Variants in GRAMD1C observed in about 807,000 individuals in gnomAD.
GRAMD1C encodes the protein GRAM domain containing 1C.
In GRAMD1C, 89 loss-of-function variants were observed where a neutral mutation model predicts 97.8. That is an observed-to-expected ratio of 0.91 (90% CI 0.77 to 1.09). GRAMD1C has a LOEUF of 1.09. Ranked by LOEUF, GRAMD1C falls within the 50% of genes least tolerant of loss-of-function variation. The probability of loss-of-function intolerance (pLI) is 0.00; values close to 1 mark genes in which losing one functional copy is unlikely to be tolerated. For synonymous variants in GRAMD1C, 256 were observed against 267.0 expected (o/e 0.96, Z 0.40); for missense variants, 740 against 766.4 (o/e 0.97, Z 0.41).
chr3:113,846,008 A>G (rs982046106), intron 2 of GRAMD1C, among the ~76,000 whole-genome samples: 3 of 152,232 alleles, frequency 2.0e-5, no homozygotes, highest in African/African-American at 7.2e-5. Context: ...AAAAATAACA[A>G]TACATCCTAA....
intron 2 of GRAMD1C, among the ~76,000 whole-genome samples, chr3:113,847,548 T>A (rs1933666541): frequency 6.6e-6 from 1 of 152,222 alleles, no homozygotes; most frequent in Non-Finnish European, 1.5e-5. Context: ...ATAATTCATT[T>A]TTTCTCTGCC....
At chr3:113,853,968 G>T (rs1297688018) in intron 2 of GRAMD1C, among the ~76,000 whole-genome samples, 1 of 152,112 alleles carries the variant, frequency 6.6e-6, no homozygotes, top group East Asian at 1.9e-4. Context: ...AATGAGATTG[G>T]CTTGCTTGAC....
At chr3:113,856,641 G>A (rs1256985227) in intron 2 of GRAMD1C, among the ~76,000 whole-genome samples, 1 of 152,126 alleles carries the variant, frequency 6.6e-6, no homozygotes, top group Non-Finnish European at 1.5e-5. Context: ...CTGAGTTCAA[G>A]CAATTCTCCC....
intron 10 of GRAMD1C, among the ~76,000 whole-genome samples, chr3:113,926,046 G>T (rs999252952): frequency 1.3e-5 from 2 of 152,136 alleles, no homozygotes; most frequent in Non-Finnish European, 2.9e-5. Context: ...TGGTTGTCTT[G>T]TATGTATCTC....
chr3:113,830,550 C>A (rs1227746441), intron 1 of GRAMD1C, among the ~76,000 whole-genome samples: 1 of 152,172 alleles, frequency 6.6e-6, no homozygotes, highest in Non-Finnish European at 1.5e-5. Context: ...ATGGAATAGC[C>A]TATTGCTCCT....
chr3:113,931,003 C>A (rs1435159943), intron 11 of GRAMD1C, among the ~76,000 whole-genome samples, 171 bp downstream of exon 11: 2 of 152,164 alleles, frequency 1.3e-5, no homozygotes, highest in Non-Finnish European at 2.9e-5. Flanking sequence ...ATCGTATCAA[C>A]CCACTCCTAA....
At chr3:113,852,545 G>A (rs1220629023) in intron 2 of GRAMD1C, among the ~76,000 whole-genome samples, 3 of 152,010 alleles carry the variant, frequency 2.0e-5, no homozygotes, top group South Asian at 2.1e-4. Context: ...TGGATGAAAT[G>A]TTTCAAACTT....
chr3:113,930,669 GTTTAAGTTTCTAGA>G, intron 10 of GRAMD1C, 31 bp from the exon 11 acceptor site: 1 of 1,000,600 alleles, frequency 1.0e-6, no homozygotes, highest in South Asian at 1.3e-5. Flanking sequence ...ATGTCATACT[GTTTAAGTTTCTAGA>G]ACTAACTCAT....
At chr3:113,913,716 C>T (rs772193853) in intron 9 of GRAMD1C, among the ~76,000 whole-genome samples, 2 of 152,062 alleles carry the variant, frequency 1.3e-5, no homozygotes, top group Non-Finnish European at 2.9e-5. Flanking sequence ...GCAAATCAAG[C>T]GCTCCTACTG....
At chr3:113,839,554 G>A (rs1467590339) in intron 1 of GRAMD1C, among the ~76,000 whole-genome samples, 1 of 152,156 alleles carries the variant, frequency 6.6e-6, no homozygotes, top group Non-Finnish European at 1.5e-5. Context: ...TCTGAAGAGC[G>A]TTATAGTTTA....
intron 10 of GRAMD1C, among the ~76,000 whole-genome samples, chr3:113,922,904 G>A (rs1029096348): frequency 2.0e-5 from 3 of 152,108 alleles, no homozygotes; most frequent in Non-Finnish European, 2.9e-5. Flanking sequence ...TTCCTATCAC[G>A]AGCATGGAAT....
At chr3:113,911,703 C>CCTTCCTTCTTTCT (rs1553723611) in intron 9 of GRAMD1C, among the ~76,000 whole-genome samples, 11 of 122,372 alleles carry the variant, frequency 9.0e-5, no homozygotes, top group African/African-American at 2.5e-4. Flanking sequence ...TTCTTTCCTT[C>CCTTCCTTCTTTCT]CTTCCTTCCT....
rs894738820 is a variant in GRAMD1C, at chr3:113,844,649, G to A, written c.174G>A (p.Trp58Ter). The A allele has an allele frequency of 1.0e-5, 16 of 1,574,340 alleles. No individual in the cohort carries two copies. Among genetic ancestry groups the A allele is most frequent in the Non-Finnish European group, 1.3e-5 (15 of 1,164,344 alleles). Residue 58 changes from tryptophan (W) to a stop codon, truncating the protein, a stop_gained and splice_region_variant, in exon 2 of 18, where the codon TGG becomes TGA. Coordinates refer to ENST00000358160, the MANE Select transcript of GRAMD1C (RefSeq NM_017577.5). LOFTEE classifies it high-confidence loss of function. ...ATTGGAGTGGTGACTGGAGCTTTTG[G>A]GTAATTTCTTTTTTTACGTCTTTAT... ...LHNWSGDWSF[W>*]ISSSTYKDRN...
At chr3:113,908,252 C>T (rs1936437799) in intron 8 of GRAMD1C, among the ~76,000 whole-genome samples, 1 of 152,138 alleles carries the variant, frequency 6.6e-6, no homozygotes, top group East Asian at 1.9e-4. Flanking sequence ...TAATACAGTA[C>T]TATTTTACTT....
At chr3:113,909,800 T>C (rs1356805643) in intron 9 of GRAMD1C, among the ~76,000 whole-genome samples, 1 of 152,174 alleles carries the variant, frequency 6.6e-6, no homozygotes, top group Non-Finnish European at 1.5e-5. Context: ...TCTCTGTAAA[T>C]GATTTTTTAA....
At chr3:113,835,984 C>A (rs745357451), upstream of GRAMD1C, among the ~76,000 whole-genome samples, 9 of 152,120 alleles carry the variant, frequency 5.9e-5, no homozygotes, top group Non-Finnish European at 1.3e-4. Context: ...ATGCTCATGG[C>A]CAGGTGCAGT....
chr3:113,885,677 G>A, intron 6 of GRAMD1C: 3 of 1,517,966 alleles, frequency 2.0e-6, no homozygotes, highest in Non-Finnish European at 2.7e-6. Context: ...GGTACGAGCT[G>A]GTGGTGTTTA....
intron 9 of GRAMD1C, among the ~76,000 whole-genome samples, chr3:113,915,201 T>C (rs1478769283): frequency 3.9e-5 from 6 of 152,210 alleles, no homozygotes; most frequent in African/African-American, 1.2e-4. Flanking sequence ...TGTCTTTGGG[T>C]AGTGAACATT....
chr3:113,919,337 C>T (rs866378596), intron 10 of GRAMD1C: 1 of 493,112 alleles, frequency 2.0e-6, no homozygotes, highest in South Asian at 1.5e-5. Flanking sequence ...TAGAAAAACA[C>T]CATCTCTTTA....
Sources: gnomAD v4.1 joint callset for allele counts (sites outside exome capture counted in the v4.1 genomes callset) on GRCh38, gnomAD v4.1.1 for gene constraint, MANE v1.5 for transcripts, NCBI Gene and HGNC (gene_info 2026-07-23, HGNC 2026-07-21) for gene names.